Variants in SVIL observed in about 807,000 individuals in gnomAD.
SVIL encodes supervillin.
Under a neutral mutation model 240.4 loss-of-function variants are expected in SVIL, and 101 were observed. That is an observed-to-expected ratio of 0.42 (90% CI 0.36 to 0.50). The LOEUF is 0.50. SVIL is among the 20% of genes least tolerant of loss of function. The pLI is 0.01. For missense variants in SVIL, 2,512 were observed against 2,818.7 expected (o/e 0.89, Z 2.46); for synonymous variants, 999 against 1,100.0 (o/e 0.91, Z 1.82).
chr10:29,529,759 T>G lies in SVIL; in HGVS notation c.2192A>C (p.Gln731Pro). The G allele has an allele frequency of 6.2e-7, 1 of 1,613,920 alleles. No homozygotes were observed. The highest frequency in any genetic ancestry group is 8.5e-7 in the Non-Finnish European group (1 of 1,179,912). ...GATGGGCTGGGTGAGGGACCTGTCC[T>G]GCAGACGGCGTAGCCTCTGCTCCAC... ...TAVEQRLRRL[Q>P]DRSLTQPITT... The change falls in exon 12 of 38, where the codon CAG becomes CCG. Residue 731 changes from glutamine to proline, a missense_variant. Around this residue, in one of 3 missense-constraint regions of SVIL, gnomAD observed 1,443 missense variants for 1,486.6 expected, o/e 0.97. Transcript: ENST00000355867.
At chr10:29,485,276 A>T (rs1283580891) in intron 26 of SVIL, among the ~76,000 whole-genome samples, 5 of 151,738 alleles carry the variant, frequency 3.3e-5, no homozygotes, top group Non-Finnish European at 7.4e-5. Flanking sequence ...CAATTCCAAG[A>T]TCCTTAAGGG....
At chr10:29,468,774 G>C (rs1472969223) in intron 32 of SVIL, 1 of 152,148 alleles carries the variant, frequency 6.6e-6, no homozygotes, top group Non-Finnish European at 1.5e-5. Flanking sequence ...ATGCTCTGCA[G>C]TCTCTAAGTG....
intron 1 of SVIL, among the ~76,000 whole-genome samples, chr10:29,692,499 A>C (rs187874385): frequency 6.6e-6 from 1 of 152,168 alleles, no homozygotes; most frequent in Non-Finnish European, 1.5e-5. Flanking sequence ...AGCACTCATT[A>C]TAGTGCTTGG....
At chr10:29,720,508 C>T (rs1211715458) in intron 1 of SVIL, among the ~76,000 whole-genome samples, 1 of 152,036 alleles carries the variant, frequency 6.6e-6, no homozygotes, top group Admixed American at 6.6e-5. Flanking sequence ...CACCAGAAGT[C>T]CTACATAACA....
chr10:29,559,592 G>A (rs576911928), intron 3 of SVIL, among the ~76,000 whole-genome samples: 4 of 152,214 alleles, frequency 2.6e-5, no homozygotes, highest in South Asian at 4.1e-4. Context: ...AATAAACATC[G>A]ATGGTCTAAT....
chr10:29,550,050 A>G (rs746171148), intron 6 of SVIL, among the ~76,000 whole-genome samples: 12 of 123,210 alleles, frequency 9.7e-5, no homozygotes, highest in Admixed American at 1.7e-4. Context: ...ATTACGAAGA[A>G]AAGAAAAAGA....
chr10:29,664,783 A>G (rs563577738), intron 2 of SVIL, among the ~76,000 whole-genome samples: 2 of 152,296 alleles, frequency 1.3e-5, no homozygotes, highest in South Asian at 4.1e-4. Context: ...GTCGTAAAAC[A>G]GAAAAACAGA....
chr10:29,497,286 A>C (rs191209896), intron 18 of SVIL, among the ~76,000 whole-genome samples: 8 of 152,226 alleles, frequency 5.3e-5, no homozygotes, highest in African/African-American at 1.9e-4. Context: ...CTAAGCCTCT[A>C]TATTTGATGA....
In SVIL at chr10:29,465,750, T is replaced by A; in HGVS notation, c.5978A>T (p.Asp1993Val). ...GGGCGCGAAGTTAAAACTTCCAGGATCTTTGAAAGAAAAGAGAACAAAGCT... is the reference window on the plus strand; with the variant it reads ...GGGCGCGAAGTTAAAACTTCCAGGAACTTTGAAAGAAAAGAGAACAAAGCT... ...DRKAYDCMLQ[D>V]PGSFNFAPRL... is the part of the protein sequence containing the mutation. Residue 1993 changes from aspartate (D) to valine (V), a missense_variant and splice_region_variant, in exon 34 of 38, where the codon GAT becomes GTT. Physicochemically the swap from Asp to Val is radical, Grantham distance 152 (BLOSUM62 -3). Transcript: ENST00000355867. 1.9e-6 allele frequency: 3 copies of A among 1,611,780 alleles called. No homozygotes were observed. Among genetic ancestry groups the A allele is most frequent in the Non-Finnish European group, 2.5e-6 (3 of 1,179,766 alleles).
Position 29,533,080 on chromosome 10 carries a change from T to C in SVIL, c.1287A>G (p.Glu429=). 1 of 1,614,014 alleles carries C rather than the reference T, an allele frequency of 6.2e-7. No homozygotes were observed. Among genetic ancestry groups the C allele is most frequent in the Non-Finnish European group, 8.5e-7 (1 of 1,179,952 alleles). ...VLHVCESKAE[E]EEGEGEGEEK... Reference sequence around the variant, plus strand: ...CTTCTCCTTCTCCTTCCCCTTCTTCTTCTTCTGCTTTTGACTCGCAGACAT... The same window carrying C: ...CTTCTCCTTCTCCTTCCCCTTCTTCCTCTTCTGCTTTTGACTCGCAGACAT... Residue 429 remains glutamate, a synonymous_variant, in exon 8 of 38, where the codon GAA becomes GAG. Transcript: ENST00000355867.
At chr10:29,483,720 GGTTAAACATTA>G (rs1403192623) in intron 27 of SVIL, 7 of 152,112 alleles carry the variant, frequency 4.6e-5, no homozygotes, top group Non-Finnish European at 1.5e-5. Context: ...ACCATACTGA[GGTTAAACATTA>G]GTGCATTTGC....
chr10:29,477,482 T>A (rs1259332178), intron 29 of SVIL, among the ~76,000 whole-genome samples: 1 of 152,176 alleles, frequency 6.6e-6, no homozygotes, highest in Non-Finnish European at 1.5e-5. Flanking sequence ...CCGGCCAGCA[T>A]TGGCCAAGCG....
chr10:29,572,781 AG>A (rs145326659), intron 1 of SVIL, among the ~76,000 whole-genome samples: 5,090 of 123,010 alleles, frequency 0.041, 86 homozygotes, highest in South Asian at 0.091. Context: ...AAAAAAAAAA[AG>A]AAAAAGAAAA....
At chr10:29,505,981 G>A (rs372633694) in intron 17 of SVIL, among the ~76,000 whole-genome samples, 53 of 152,260 alleles carry the variant, frequency 3.5e-4, no homozygotes, top group East Asian at 1.5e-3. Flanking sequence ...GCACATCCCC[G>A]CTGTGTACTT....
intron 1 of SVIL, among the ~76,000 whole-genome samples, chr10:29,687,742 T>G (rs1286810331): frequency 1.3e-5 from 2 of 152,208 alleles, no homozygotes; most frequent in African/African-American, 4.8e-5. Context: ...CTACAATGCC[T>G]TCCCCCTTTA....
chr10:29,664,451 A>G (rs1324061990), intron 2 of SVIL, among the ~76,000 whole-genome samples: 6 of 152,156 alleles, frequency 3.9e-5, no homozygotes, highest in Non-Finnish European at 8.8e-5. Context: ...ATTCAAGCTC[A>G]GCGACCTCTC....
intron 1 of SVIL, among the ~76,000 whole-genome samples, chr10:29,615,100 A>G (rs1028423661): frequency 6.6e-6 from 1 of 152,238 alleles, no homozygotes; most frequent in African/African-American, 2.4e-5. Flanking sequence ...TTCAGCGGCC[A>G]CAGAGAAGGC....
At chr10:29,736,242 G>A (rs1003331670), upstream of SVIL, among the ~76,000 whole-genome samples, 2 of 152,186 alleles carry the variant, frequency 1.3e-5, no homozygotes, top group African/African-American at 4.8e-5. Context: ...GTGGCCCAAG[G>A]AAACCGCGAT....
At chr10:29,732,015 G>T (rs955593458) in intron 1 of SVIL, among the ~76,000 whole-genome samples, 1 of 152,220 alleles carries the variant, frequency 6.6e-6, no homozygotes. Context: ...GCCCTGCAGC[G>T]GCTTCTTTCT....
Sources: allele counts gnomAD v4.1 joint callset (sites outside exome capture counted in the v4.1 genomes callset), GRCh38; gene constraint gnomAD v4.1.1; regional missense constraint gnomAD v4.1.1; transcripts MANE v1.5; gene names NCBI Gene and HGNC (gene_info 2026-07-23, HGNC 2026-07-21).